Variants in TMEM123 observed in about 807,000 individuals in gnomAD.
TMEM123 encodes the protein transmembrane protein 123.
TMEM123 carries 16 observed loss-of-function variants against 19.7 expected under a neutral mutation model. That is an observed-to-expected ratio of 0.81 (90% CI 0.55 to 1.23). The LOEUF (loss-of-function observed/expected upper bound fraction) is 1.23. Ranked by LOEUF, TMEM123 falls within the 50% of genes most tolerant of loss-of-function variation. TMEM123 has a pLI of 0.00. For synonymous variants in TMEM123, 118 were observed against 99.4 expected, an observed-to-expected ratio of 1.19 and a Z score of -1.12; for missense variants, 313 against 257.8, an observed-to-expected ratio of 1.21 and a Z score of -1.47.
chr11:102,413,682 T>C (rs188966875), intron 2 of TMEM123, among the ~76,000 whole-genome samples: 91 of 152,250 alleles, frequency 6.0e-4, no homozygotes, highest in African/African-American at 1.9e-3. Context: ...ACCCAACTTA[T>C]GCCACAGTCA....
At chr11:102,423,936 AAT>A (rs1309447603) in intron 2 of TMEM123, among the ~76,000 whole-genome samples, 1 of 152,228 alleles carries the variant, frequency 6.6e-6, no homozygotes, top group African/African-American at 2.4e-5. Context: ...GATTTTAAAA[AAT>A]ATATAAAAGT....
intron 2 of TMEM123, among the ~76,000 whole-genome samples, chr11:102,413,223 A>T (rs1490654466): frequency 1.3e-5 from 2 of 152,234 alleles, no homozygotes; most frequent in Non-Finnish European, 2.9e-5. Flanking sequence ...ATTCCTCTTA[A>T]ATGTGAGACT....
rs115598383 is a variant in TMEM123, at chr11:102,437,684, G to A, written c.157+11128C>T. ...TCTTGAGAGTACAGGGTGTATGAGA[G>A]TGCACAGTGGTTTAGAATCACTATA... On this transcript the variant is annotated intron_variant, in intron 2 of 4. Coordinates refer to ENST00000398136, the MANE Select transcript of TMEM123 (RefSeq NM_052932.3). Among the ~76,000 whole-genome samples, 953 of 152,208 alleles carry A rather than the reference G, an allele frequency of 6.3e-3. 14 individuals are homozygous for A. The highest frequency in any genetic ancestry group is 0.022 in the African/African-American group (898 of 41,526).
chr11:102,425,183 G>A lies in TMEM123; in HGVS notation c.158-22977C>T, dbSNP rs145295292. Among the ~76,000 whole-genome samples, 20 of 152,320 alleles carry A rather than the reference G, an allele frequency of 1.3e-4. No individual in the cohort carries two copies. In the East Asian group the frequency reaches 3.3e-3, roughly 25 times the overall value. On this transcript the variant is annotated intron_variant, in intron 2 of 4. Coordinates refer to ENST00000398136, the MANE Select transcript of TMEM123 (RefSeq NM_052932.3). ...AGTTCTGTGCTGAAATTGTGGCACA[G>A]TCATCTTCTGTGTAGCTCTTTTTTC...
chr11:102,407,646 C>T (rs1951967579), intron 2 of TMEM123, among the ~76,000 whole-genome samples: 1 of 152,154 alleles, frequency 6.6e-6, no homozygotes, highest in East Asian at 1.9e-4. Context: ...CACAAACACA[C>T]ACAAAGAACA....
chr11:102,403,091 A>G (rs902831829), intron 2 of TMEM123, among the ~76,000 whole-genome samples: 5 of 151,466 alleles, frequency 3.3e-5, no homozygotes, highest in East Asian at 1.9e-4. Context: ...GCTCAATGCA[A>G]CCTCCGCCTC....
chr11:102,410,733 A>G (rs1951997328), intron 2 of TMEM123, among the ~76,000 whole-genome samples: 1 of 151,914 alleles, frequency 6.6e-6, no homozygotes, highest in African/African-American at 2.4e-5. Flanking sequence ...CCTTCTCTGT[A>G]CCGAGAACTA....
At chr11:102,437,030 T>G (rs762517533) in intron 2 of TMEM123, among the ~76,000 whole-genome samples, 1 of 152,210 alleles carries the variant, frequency 6.6e-6, no homozygotes, top group African/African-American at 2.4e-5. Flanking sequence ...TTCCTGTTCT[T>G]GAAAAGGAAA....
At chr11:102,429,070 G>A (rs186189434) in intron 2 of TMEM123, among the ~76,000 whole-genome samples, 5 of 152,266 alleles carry the variant, frequency 3.3e-5, no homozygotes, top group African/African-American at 9.6e-5. Flanking sequence ...TGAAATGTGA[G>A]TAGAATACAC....
In TMEM123 at chr11:102,441,161, C is replaced by T. The variant is rs981521678; in HGVS notation, c.157+7651G>A. ...CAGACAGAAAGGTAACAAGGATATC[C>T]GGGACTTGAACTCAGCTCTGCACCA... On this transcript the variant is annotated intron_variant, in intron 2 of 4. Coordinates refer to ENST00000398136, the MANE Select transcript of TMEM123 (RefSeq NM_052932.3). Among the ~76,000 whole-genome samples the T allele has an allele frequency of 4.6e-5, 7 of 152,218 alleles. No homozygotes were observed. The South Asian group carries it at 6.2e-4, about 14-fold the overall frequency.
chr11:102,441,281 A>G (rs1857823297), intron 2 of TMEM123, among the ~76,000 whole-genome samples: 1 of 152,204 alleles, frequency 6.6e-6, no homozygotes, highest in Admixed American at 6.5e-5. Flanking sequence ...AAAACTGACT[A>G]CATAGTTGGA....
intron 4 of TMEM123, 119 bp downstream of exon 4, chr11:102,401,420 A>G (rs954330363): frequency 6.3e-6 from 6 of 948,178 alleles, no homozygotes; most frequent in African/African-American, 3.4e-5. Context: ...TAATGGGAAT[A>G]TAACTCATAA....
intron 2 of TMEM123, among the ~76,000 whole-genome samples, chr11:102,436,087 G>A (rs1857759729): frequency 6.6e-6 from 1 of 151,850 alleles, no homozygotes; most frequent in Non-Finnish European, 1.5e-5. Context: ...AAAAATGCAT[G>A]AAGTTTCCTT....
At chr11:102,415,448 A>G (rs1952036652) in intron 2 of TMEM123, among the ~76,000 whole-genome samples, 1 of 152,242 alleles carries the variant, frequency 6.6e-6, no homozygotes, top group Non-Finnish European at 1.5e-5. Flanking sequence ...TCAGCCATAA[A>G]GCAATTCTCA....
rs1951877839 is a variant in TMEM123, at chr11:102,398,199, A to G, written c.*668T>C. The G allele has an allele frequency of 6.0e-6, 1 of 166,856 alleles. No homozygotes were observed. Among genetic ancestry groups the G allele is most frequent in the Non-Finnish European group, 1.3e-5 (1 of 78,126 alleles). 10.3% of individuals were successfully genotyped at this position (166,856 alleles called of 1,614,324 possible). ...AAAATTACATCAACATTGAAAGCTC[A>G]AAAGAAGTTAATAAAAATATGTGCT... On this transcript the variant is annotated 3_prime_UTR_variant, in exon 5 of 5. Transcript: ENST00000398136.
At chr11:102,440,443 C>A (rs1330531602) in intron 2 of TMEM123, among the ~76,000 whole-genome samples, 1 of 152,118 alleles carries the variant, frequency 6.6e-6, no homozygotes, top group Non-Finnish European at 1.5e-5. Context: ...TCATATCCAG[C>A]CAAACTAAGT....
intron 2 of TMEM123, among the ~76,000 whole-genome samples, chr11:102,421,890 C>T (rs915816096): frequency 2.6e-5 from 4 of 152,042 alleles, no homozygotes; most frequent in Admixed American, 1.3e-4. Context: ...TTGCTCCTCC[C>T]AATTTGCAGA....
chr11:102,428,403 G>C (rs1411049681), intron 2 of TMEM123, among the ~76,000 whole-genome samples: 1 of 151,764 alleles, frequency 6.6e-6, no homozygotes, highest in African/African-American at 2.4e-5. Flanking sequence ...CAGGGTTTAA[G>C]CAATTCTCCT....
chr11:102,448,758 C>G (rs1857908737), intron 2 of TMEM123, 54 bp downstream of exon 2: 2 of 1,563,224 alleles, frequency 1.3e-6, no homozygotes, highest in African/African-American at 2.7e-5. Flanking sequence ...GCTGTTATTA[C>G]TTCATGTACC....
Sources: gnomAD v4.1 joint callset for allele counts (sites outside exome capture counted in the v4.1 genomes callset) on GRCh38, gnomAD v4.1.1 for gene constraint, MANE v1.5 for transcripts, NCBI Gene and HGNC (gene_info 2026-07-23, HGNC 2026-07-21) for gene names.